Variants in ARFGAP1 observed in about 807,000 individuals in gnomAD.
ARFGAP1 encodes ADP-ribosylation factor GTPase-activating protein 1.
A neutral mutation model predicts 54.0 loss-of-function variants in ARFGAP1; 26 were observed. The ratio of observed to expected loss-of-function variants is 0.48; its 90% confidence interval spans 0.35 to 0.67. ARFGAP1 has a LOEUF of 0.67. ARFGAP1 is among the 30% of genes least tolerant of loss of function. The probability of loss-of-function intolerance (pLI) is 0.00; values close to 1 mark genes in which losing one functional copy is unlikely to be tolerated. For missense variants in ARFGAP1, 525 were observed against 535.8 expected, an observed-to-expected ratio of 0.98 and a Z score of 0.20; for synonymous variants, 248 against 211.9, an observed-to-expected ratio of 1.17 and a Z score of -1.48.
chr20:63,281,318 A>G lies in ARFGAP1; in HGVS notation c.655A>G (p.Ser219Gly), dbSNP rs2067374890. The change falls in exon 8 of 13, where the codon AGC (serine) becomes GGC (glycine). Residue 219 changes from serine (S) to glycine (G), a missense_variant. Physicochemically the swap from Ser to Gly is moderately conservative, Grantham distance 56 (BLOSUM62 0). Coordinates refer to ENST00000370283, the MANE Select transcript of ARFGAP1 (RefSeq NM_018209.4). ...SGWSSFTTGA[S>G]RFASAAKEGA... is the part of the protein sequence containing the mutation. ...CTGGAGCAGCTTCACCACTGGAGCC[A>G]GCCGGTTTGCCTCGGCAGCCAAGGA... is the stretch of plus-strand genomic sequence containing the variant. 2 of 1,602,146 alleles carry G rather than the reference A, an allele frequency of 1.2e-6. No homozygotes were observed. The highest frequency in any genetic ancestry group is 1.7e-6 in the Non-Finnish European group (2 of 1,177,646).
At chr20:63,274,902 C>T (rs1312355346) in intron 1 of ARFGAP1, among the ~76,000 whole-genome samples, 2 of 152,172 alleles carry the variant, frequency 1.3e-5, no homozygotes, top group African/African-American at 2.4e-5. Context: ...TGCTGCTGTC[C>T]CAGTAGGGTC....
intron 2 of ARFGAP1, 44 bp downstream of exon 2, chr20:63,275,684 G>A: frequency 6.3e-7 from 1 of 1,589,054 alleles, no homozygotes; most frequent in African/African-American, 1.3e-5. Context: ...CTTGGTCAGG[G>A]TCAGTGAGTT....
rs2067137887 is a variant in ARFGAP1 at position 63,272,850 on chromosome 20, C to G, written c.-75C>G. The G allele has an allele frequency of 6.6e-6, 1 of 152,348 alleles. No homozygotes were observed. Among genetic ancestry groups the G allele is most frequent in the Non-Finnish European group, 1.5e-5 (1 of 68,134 alleles). 9.4% of individuals were successfully genotyped at this position (152,348 alleles called of 1,614,324 possible). ...CGGCTGGTGGGCGACCGGGCGCATC[C>G]TCATTGCAGTGCGGCGGCCCTACCT... On this transcript the variant is annotated 5_prime_UTR_variant, in exon 1 of 13. Coordinates refer to ENST00000370283, the MANE Select transcript of ARFGAP1 (RefSeq NM_018209.4).
intron 9 of ARFGAP1, chr20:63,284,040 T>A: frequency 1.4e-6 from 2 of 1,449,114 alleles, no homozygotes; most frequent in Non-Finnish European, 1.8e-6. Flanking sequence ...TCCTTTAAGA[T>A]CCAGGATCTG....
At chr20:63,278,845 G>A (rs1203402572) in intron 6 of ARFGAP1, 54 bp from the exon 7 acceptor site, 2 of 1,587,496 alleles carry the variant, frequency 1.3e-6, no homozygotes, top group African/African-American at 1.3e-5. Flanking sequence ...CACGCCCTCG[G>A]GAGGAGCAGG....
At chr20:63,279,116 G>A (rs1432005623) in intron 7 of ARFGAP1, 121 bp downstream of exon 7, 1 of 1,019,128 alleles carries the variant, frequency 9.8e-7, no homozygotes, top group African/African-American at 1.6e-5. Flanking sequence ...TCTGATCTAA[G>A]GACCCCTCCC....
At chr20:63,280,902 G>A (rs906970336) in intron 7 of ARFGAP1, among the ~76,000 whole-genome samples, 9 of 152,216 alleles carry the variant, frequency 5.9e-5, no homozygotes, top group African/African-American at 1.2e-4. Context: ...CATAGATGAA[G>A]GAGAGCAGGT....
intron 5 of ARFGAP1, 147 bp from the exon 6 acceptor site, chr20:63,277,968 CAG>C (rs1399363957): frequency 1.5e-5 from 10 of 655,452 alleles, no homozygotes; most frequent in Admixed American, 2.4e-5. Context: ...AGCAGCCACT[CAG>C]AGCTGAAGGC....
intron 11 of ARFGAP1, 198 bp from the exon 12 acceptor site, chr20:63,286,168 T>C (rs375949969): frequency 1.9e-5 from 29 of 1,550,084 alleles, no homozygotes; most frequent in East Asian, 9.8e-5. Flanking sequence ...CTCGCTGCCA[T>C]GTCCCGCACA....
chr20:63,278,774 C>T, intron 6 of ARFGAP1, 125 bp from the exon 7 acceptor site: 2 of 730,242 alleles, frequency 2.7e-6, no homozygotes, highest in Non-Finnish European at 4.6e-6. Flanking sequence ...GCGTGCATGT[C>T]CTGTGCGTGG....
chr20:63,273,702 C>T (rs988970616), intron 1 of ARFGAP1, among the ~76,000 whole-genome samples: 2 of 152,214 alleles, frequency 1.3e-5, no homozygotes, highest in South Asian at 2.1e-4. Flanking sequence ...CCAGCCGTCT[C>T]CTCATGGTTC....
In ARFGAP1 at chr20:63,275,637, C is replaced by T; in HGVS notation, c.57C>T (p.Asn19=). ...VLKEVRVQDE[N]NVCFECGAFN... ...AAGAAGTCAGGGTGCAGGATGAGAA[C>T]AACGTAAGCCTCTGCCCCCCACCCC... Residue 19 remains asparagine, a synonymous_variant, in exon 2 of 13, where the codon AAC becomes AAT. Transcript: ENST00000370283. 1 of 1,613,800 alleles carries T rather than the reference C, an allele frequency of 6.2e-7. No individual in the cohort carries two copies. The highest frequency in any genetic ancestry group is 8.5e-7 in the Non-Finnish European group (1 of 1,179,942).
chr20:63,275,762 C>A, intron 2 of ARFGAP1, 122 bp downstream of exon 2: 1 of 994,572 alleles, frequency 1.0e-6, no homozygotes, highest in Non-Finnish European at 1.5e-6. Context: ...TGGCGTGGCT[C>A]TGGACGTGCA....
chr20:63,285,959 G>A (rs1205946200), intron 11 of ARFGAP1: 4 of 1,505,220 alleles, frequency 2.7e-6, no homozygotes, highest in Non-Finnish European at 3.6e-6. Flanking sequence ...GCTGCTGCTG[G>A]CCTTTTCCTC....
chr20:63,281,270 GCT>G lies in ARFGAP1; in HGVS notation c.628-18_628-17del, dbSNP rs1286849346. On this transcript the variant is annotated intron_variant, in intron 7 of 12. Coordinates refer to ENST00000370283, the MANE Select transcript of ARFGAP1 (RefSeq NM_018209.4). ...CCTGGGTCCCAGTCCTGATGTGGCT[GCT>G]CTTTGTCGCCTCCCTCAGGGCTGGA... is the stretch of plus-strand genomic sequence containing the variant. 6.3e-7 allele frequency: 1 copy of G among 1,589,920 alleles called. No individual in the cohort carries two copies.
At chr20:63,278,332 G>A in intron 6 of ARFGAP1, 129 bp downstream of exon 6, 1 of 920,394 alleles carries the variant, frequency 1.1e-6, no homozygotes, top group Non-Finnish European at 1.7e-6. Context: ...CGCGGTGCAG[G>A]GTCTGATTGC....
In ARFGAP1 at chr20:63,288,736, G is replaced by T; in HGVS notation, c.*863G>T. On this transcript the variant is annotated 3_prime_UTR_variant, in exon 13 of 13. Transcript: ENST00000370283. ...GGGTCTAGGGAAGCTCCAGCCCCAG[G>T]ATGGGGCTGCCCTGCACACCGGTGC... The T allele has an allele frequency of 2.8e-6, 1 of 350,972 alleles. No individual in the cohort carries two copies. Among genetic ancestry groups the T allele is most frequent in the Non-Finnish European group, 5.7e-6 (1 of 176,062 alleles). The allele number at this position is 350,972 out of a possible 1,614,324, so 21.7% of individuals were successfully genotyped here.
chr20:63,278,036 A>G lies in ARFGAP1; in HGVS notation c.444-81A>G, dbSNP rs1218773770. 2.2e-6 allele frequency: 3 copies of G among 1,338,572 alleles called. No homozygotes were observed. In the Admixed American group the frequency reaches 5.1e-5, roughly 23 times the overall value. The allele number at this position is 1,338,572 out of a possible 1,614,324, so 82.9% of individuals were successfully genotyped here. A position where few individuals can be genotyped will look rare whatever the true frequency, so the allele number is the denominator to read the frequency against. On this transcript the variant is annotated intron_variant, in intron 5 of 12. Coordinates refer to ENST00000370283, the MANE Select transcript of ARFGAP1 (RefSeq NM_018209.4). ...CGTGAAGGCACTGCCCACGTAGGCC[A>G]CATGGTTCTGGGGGTGCTTCTGGGG...
At position 63,287,742 on chromosome 20, in the gene ARFGAP1, TG is replaced by T; in HGVS notation, c.1093del (p.Glu365ArgfsTer89). On this transcript the variant is annotated frameshift_variant, in exon 13 of 13. Coordinates refer to ENST00000370283, the MANE Select transcript of ARFGAP1 (RefSeq NM_018209.4). LOFTEE classifies it low-confidence loss of function (END_TRUNC). Reference sequence around the variant, plus strand: ...CACCGAGAGGAGGAGCTCGGACAGCTGGGAGGTGTGGGGCTCGGCCTCCACC... The same window carrying T: ...CACCGAGAGGAGGAGCTCGGACAGCTGGAGGTGTGGGGCTCGGCCTCCACC... ...TSTERRSSDS[W>X]EVWGSASTNR... is the part of the protein sequence containing the mutation. 6.2e-7 allele frequency: 1 copy of T among 1,605,562 alleles called. No individual in the cohort carries two copies. The highest frequency in any genetic ancestry group is 8.5e-7 in the Non-Finnish European group (1 of 1,178,032).
Sources: allele counts gnomAD v4.1 joint callset (sites outside exome capture counted in the v4.1 genomes callset), GRCh38; gene constraint gnomAD v4.1.1; transcripts MANE v1.5; gene names NCBI Gene and HGNC (gene_info 2026-07-23, HGNC 2026-07-21).